Variants in ATP5PB observed in about 807,000 individuals in gnomAD.
ATP5PB encodes the protein ATP synthase peripheral stalk-membrane subunit b, also known as ATP synthase peripheral stalk subunit b, mitochondrial.
In ATP5PB, 21 loss-of-function variants were observed where a neutral mutation model predicts 34.5. The observed-to-expected ratio is 0.61, with a 90% confidence interval of 0.43 to 0.88. The LOEUF (loss-of-function observed/expected upper bound fraction) is 0.88. Among genes scored for constraint, ATP5PB ranks in the 40% least tolerant of loss-of-function variants. The pLI is 0.00. For synonymous variants in ATP5PB, 108 were observed against 114.1 expected, an observed-to-expected ratio of 0.95 and a Z score of 0.34; for missense variants, 293 against 317.4, an observed-to-expected ratio of 0.92 and a Z score of 0.58.
chr1:111,462,479 T>C lies in ATP5PB; in HGVS notation c.*1485T>C, dbSNP rs1046333512. On this transcript the variant is annotated 3_prime_UTR_variant, in exon 7 of 7. Transcript: ENST00000369722. ...TTGAAGAAAAATCCTGTAGATAAATTAGAAAATTCTTCCCTTCATAGGTTT... is the reference window on the plus strand; with the variant it reads ...TTGAAGAAAAATCCTGTAGATAAATCAGAAAATTCTTCCCTTCATAGGTTT... The C allele has an allele frequency of 1.3e-5, 2 of 152,236 alleles. No individual in the cohort carries two copies. Among genetic ancestry groups the C allele is most frequent in the African/African-American group, 2.4e-5 (1 of 41,470 alleles). 9.4% of individuals were successfully genotyped at this position (152,236 alleles called of 1,614,324 possible). A position where few individuals can be genotyped will look rare whatever the true frequency, so the allele number is the denominator to read the frequency against.
At chr1:111,449,769 G>A in intron 1 of ATP5PB, 68 bp from the exon 2 acceptor site, 1 of 1,608,756 alleles carries the variant, frequency 6.2e-7, no homozygotes, top group Non-Finnish European at 8.5e-7. Flanking sequence ...ATAGAGCCTG[G>A]CGGGGGTAAG....
At position 111,449,507 on chromosome 1, in the gene ATP5PB, G is replaced by A. The variant is rs747475994; in HGVS notation, c.-35G>A. On this transcript the variant is annotated 5_prime_UTR_variant, in exon 1 of 7. Coordinates refer to ENST00000369722, the MANE Select transcript of ATP5PB (RefSeq NM_001688.5). ...ACAGATTCTCCTATCGGGGTCACAG[G>A]GACGCTAAGATTGCTACCTGGACTT... 1.2e-6 allele frequency: 2 copies of A among 1,614,148 alleles called. No individual in the cohort carries two copies. Among genetic ancestry groups the A allele is most frequent in the Non-Finnish European group, 1.7e-6 (2 of 1,180,020 alleles).
intron 1 of ATP5PB, 53 bp from the exon 2 acceptor site, chr1:111,449,784 G>A: frequency 6.2e-7 from 1 of 1,613,426 alleles, no homozygotes; most frequent in Non-Finnish European, 8.5e-7. Context: ...GGTAAGGAAA[G>A]GGCAAACCAG....
At position 111,454,216 on chromosome 1, in the gene ATP5PB, T is replaced by G. The variant is rs1351083129; in HGVS notation, c.83T>G (p.Leu28Trp). The change falls in exon 3 of 7, where the codon TTG becomes TGG. Residue 28 changes from leucine to tryptophan, a missense_variant. Physicochemically the swap from Leu to Trp is moderately conservative, Grantham distance 61. Coordinates refer to ENST00000369722, the MANE Select transcript of ATP5PB (RefSeq NM_001688.5). ...TGTACAATTACTACCTGTAGGGTAT[T>G]GCAGGCAACAAGGACCTTTCATACA... ...KNAAFLGPGVLQATRTFHTGQ... is the reference protein window; with the variant it reads ...KNAAFLGPGVWQATRTFHTGQ... 6.3e-7 allele frequency: 1 copy of G among 1,589,212 alleles called. No homozygotes were observed.
At chr1:111,451,019 C>T (rs12047745) in intron 2 of ATP5PB, among the ~76,000 whole-genome samples, 30,786 of 152,094 alleles carry the variant, frequency 0.2, 3,709 homozygotes, top group Non-Finnish European at 0.28. Flanking sequence ...CCACTATAAA[C>T]TTTCACCTAG....
In ATP5PB at chr1:111,460,991, G is replaced by A. The variant is rs1178505570; in HGVS notation, c.768G>A (p.Met256Ile). ...AGAAGGCTCAAGCACAGCCAGTTAT[G>A]TAAATGTATCTATCCCAATTGAGAC... ...LAKKAQAQPV[M>I] Residue 256 changes from methionine (M) to isoleucine (I), a missense_variant, in exon 7 of 7, where the codon ATG (methionine) becomes ATA (isoleucine). Coordinates refer to ENST00000369722, the MANE Select transcript of ATP5PB (RefSeq NM_001688.5). The A allele has an allele frequency of 6.2e-7, 1 of 1,611,824 alleles. No individual in the cohort carries two copies. Among genetic ancestry groups the A allele is most frequent in the Non-Finnish European group, 8.5e-7 (1 of 1,179,520 alleles).
At chr1:111,459,966 A>G (rs1653571559) in intron 6 of ATP5PB, among the ~76,000 whole-genome samples, 1 of 152,204 alleles carries the variant, frequency 6.6e-6, no homozygotes. Context: ...GGAGTTCAAG[A>G]CCAACCTGGG....
chr1:111,454,576 C>T (rs1468243622), intron 3 of ATP5PB, among the ~76,000 whole-genome samples: 3 of 151,948 alleles, frequency 2.0e-5, no homozygotes. Context: ...CTCAGCCTCC[C>T]GAGTAGCTGG....
chr1:111,459,371 G>T, intron 5 of ATP5PB, 86 bp from the exon 6 acceptor site: 1 of 1,263,078 alleles, frequency 7.9e-7, no homozygotes, highest in East Asian at 2.4e-5. Context: ...CAAAAGAAGT[G>T]GGCATTCTCA....
intron 2 of ATP5PB, among the ~76,000 whole-genome samples, chr1:111,453,189 A>G (rs1299950927): frequency 6.6e-6 from 1 of 152,218 alleles, no homozygotes; most frequent in African/African-American, 2.4e-5. Flanking sequence ...ATTTTATTTC[A>G]TCAGAAGCTT....
At chr1:111,460,583 G>A (rs1028539097) in intron 6 of ATP5PB, among the ~76,000 whole-genome samples, 8 of 151,662 alleles carry the variant, frequency 5.3e-5, no homozygotes, top group Admixed American at 4.6e-4. Flanking sequence ...TTGTTGAATT[G>A]GTCTTTTTCA....
chr1:111,456,016 A>G (rs1653462444), intron 3 of ATP5PB, 70 bp from the exon 4 acceptor site: 1 of 1,307,872 alleles, frequency 7.6e-7, no homozygotes, highest in Non-Finnish European at 1.0e-6. Context: ...TCAAATATAG[A>G]AGTACCTTTC....
At position 111,457,312 on chromosome 1, in the gene ATP5PB, A is replaced by AACACACACAC. The variant is rs111663185; in HGVS notation, c.513+577_513+586dup. 4.7e-3 allele frequency among the ~76,000 whole-genome samples: 688 copies of AACACACACAC among 146,812 alleles called. 6 individuals are homozygous for AACACACACAC. Among genetic ancestry groups the AACACACACAC allele is most frequent in the African/African-American group, 0.016 (642 of 39,356 alleles). The stretch of plus-strand genomic sequence containing the variant: ...TAGGCAACAGAGCAAGACTCTCTCA[A>AACACACACAC]ACACACACACACACACACACACACA... On this transcript the variant is annotated intron_variant, in intron 5 of 6. Coordinates refer to ENST00000369722, the MANE Select transcript of ATP5PB (RefSeq NM_001688.5).
intron 3 of ATP5PB, 117 bp downstream of exon 3, chr1:111,454,473 T>C (rs1653415373): frequency 7.6e-7 from 1 of 1,317,082 alleles, no homozygotes. Context: ...TTGTTGTTTT[T>C]TGAGACAGGG....
At position 111,460,312 on chromosome 1, in the gene ATP5PB, TC is replaced by T. The variant is rs994718305; in HGVS notation, c.694-604del. The stretch of plus-strand genomic sequence containing the variant: ...TTGCTTAAACTGAATTAATTTTTTT[TC>T]ATTTATATTTTTGCTTTAATATGAC... On this transcript the variant is annotated intron_variant, in intron 6 of 6. Transcript: ENST00000369722. 4.6e-5 allele frequency among the ~76,000 whole-genome samples: 7 copies of T among 152,178 alleles called. No homozygotes were observed. The East Asian group carries it at 9.6e-4, about 21-fold the overall frequency.
chr1:111,457,277 C>T (rs1003372399), intron 5 of ATP5PB, among the ~76,000 whole-genome samples: 3 of 151,426 alleles, frequency 2.0e-5, no homozygotes, highest in Non-Finnish European at 4.4e-5. Flanking sequence ...CCCACCACTG[C>T]ACTTCAGCCT....
intron 6 of ATP5PB, among the ~76,000 whole-genome samples, chr1:111,460,056 C>T (rs1203565257): frequency 6.6e-6 from 1 of 152,134 alleles, no homozygotes; most frequent in South Asian, 2.1e-4. Context: ...TTCAGCTACT[C>T]AGGAGGCTGA....
At chr1:111,460,500 A>C (rs1309581429) in intron 6 of ATP5PB, among the ~76,000 whole-genome samples, 1 of 151,354 alleles carries the variant, frequency 6.6e-6, no homozygotes, top group Non-Finnish European at 1.5e-5. Context: ...TAAGAAACTT[A>C]GAAAATACAA....
chr1:111,449,631 C>A, intron 1 of ATP5PB, 50 bp downstream of exon 1: 2 of 1,564,948 alleles, frequency 1.3e-6, no homozygotes, highest in Admixed American at 1.9e-5. Flanking sequence ...TGGAAAGAAG[C>A]GAATCTAGGG....
Sources: allele counts gnomAD v4.1 joint callset (sites outside exome capture counted in the v4.1 genomes callset), GRCh38; gene constraint gnomAD v4.1.1; transcripts MANE v1.5; gene names NCBI Gene and HGNC (gene_info 2026-07-23, HGNC 2026-07-21).